Variants in SEMA5A observed in about 807,000 individuals in gnomAD.
The protein encoded by SEMA5A is semaphorin 5A.
Under a neutral mutation model 135.5 loss-of-function variants are expected in SEMA5A, and 55 were observed. That is an observed-to-expected ratio of 0.41 (90% confidence interval 0.33 to 0.51). The LOEUF (loss-of-function observed/expected upper bound fraction) is 0.51, where lower values mean the gene tolerates loss of function less well. SEMA5A is among the 20% of genes least tolerant of loss of function. The pLI, the probability that SEMA5A is intolerant of heterozygous loss-of-function variation, is 0.37. For synonymous variants in SEMA5A, 580 were observed against 546.5 expected, an observed-to-expected ratio of 1.06 and a Z score of -0.85; for missense variants, 1,290 against 1,419.9, an observed-to-expected ratio of 0.91 and a Z score of 1.47.
chr5:9,330,195 C>T (rs1432417888), intron 4 of SEMA5A, among the ~76,000 whole-genome samples: 1 of 151,636 alleles, frequency 6.6e-6, no homozygotes, highest in Non-Finnish European at 1.5e-5. Flanking sequence ...TTGAGACCAT[C>T]CTGGCTAACA....
At chr5:9,132,822 T>C (rs1055666011) in intron 13 of SEMA5A, among the ~76,000 whole-genome samples, 3 of 152,256 alleles carry the variant, frequency 2.0e-5, no homozygotes, top group Admixed American at 6.5e-5. Context: ...TCTTTCATTA[T>C]GCAGCTTGCA....
At chr5:9,310,852 CAA>C (rs1491180166) in intron 5 of SEMA5A, among the ~76,000 whole-genome samples, 5 of 148,402 alleles carry the variant, frequency 3.4e-5, no homozygotes, top group Non-Finnish European at 7.4e-5. Context: ...TATATACACA[CAA>C]TATATATATT....
At chr5:9,297,853 G>A (rs1215000113) in intron 5 of SEMA5A, among the ~76,000 whole-genome samples, 2 of 151,946 alleles carry the variant, frequency 1.3e-5, no homozygotes, top group Non-Finnish European at 2.9e-5. Flanking sequence ...TGAATCACTG[G>A]GATTACAGGT....
At chr5:9,166,956 G>A (rs1472419415) in intron 11 of SEMA5A, among the ~76,000 whole-genome samples, 1 of 152,152 alleles carries the variant, frequency 6.6e-6, no homozygotes, top group Non-Finnish European at 1.5e-5. Flanking sequence ...CAGTCACCAG[G>A]CAGGCATCCA....
chr5:9,052,652 A>G (rs1334806688), intron 19 of SEMA5A, among the ~76,000 whole-genome samples: 1 of 152,146 alleles, frequency 6.6e-6, no homozygotes, highest in Non-Finnish European at 1.5e-5. Context: ...CTCTGAAGAG[A>G]TAAGGTCAAT....
At chr5:9,520,453 C>T (rs768792295) in intron 1 of SEMA5A, among the ~76,000 whole-genome samples, 4 of 151,632 alleles carry the variant, frequency 2.6e-5, no homozygotes, top group Admixed American at 6.6e-5. Flanking sequence ...GGCACTGGGG[C>T]GGAGTCAGAG....
In SEMA5A at chr5:9,503,330, C is replaced by G. The variant is rs577424323; in HGVS notation, c.-175+42254G>C. Among the ~76,000 whole-genome samples the G allele has an allele frequency of 1.1e-4, 16 of 152,254 alleles. No individual in the cohort carries two copies. In the East Asian group the frequency reaches 2.9e-3, roughly 28 times the overall value. ...CAGGGAAGAGGAAGCTAAAAGAGCC[C>G]CGAGGGCTCCAGGCACAGGTAACAT... On this transcript the variant is annotated intron_variant, in intron 1 of 22. Coordinates refer to ENST00000382496, the MANE Select transcript of SEMA5A (RefSeq NM_003966.3).
chr5:9,214,889 G>A (rs1403123606), intron 8 of SEMA5A, among the ~76,000 whole-genome samples: 1 of 152,186 alleles, frequency 6.6e-6, no homozygotes, highest in Non-Finnish European at 1.5e-5. Context: ...CAATGCTCAA[G>A]AGTTTTAGCA....
intron 2 of SEMA5A, among the ~76,000 whole-genome samples, chr5:9,421,410 G>A (rs752882080): frequency 2.0e-5 from 3 of 152,140 alleles, no homozygotes; most frequent in Non-Finnish European, 4.4e-5. Context: ...AGAGAGGAAA[G>A]GAAGCAGTAA....
chr5:9,228,812 G>T (rs1392172220), intron 6 of SEMA5A, among the ~76,000 whole-genome samples: 1 of 152,250 alleles, frequency 6.6e-6, no homozygotes, highest in Non-Finnish European at 1.5e-5. Flanking sequence ...ATCACATCAT[G>T]CTGGAAATCA....
At chr5:9,364,420 T>G (rs909478731) in intron 3 of SEMA5A, among the ~76,000 whole-genome samples, 20 of 152,202 alleles carry the variant, frequency 1.3e-4, no homozygotes, top group Non-Finnish European at 2.6e-4. Flanking sequence ...ATTCTTTTCA[T>G]CTAATATTTT....
chr5:9,222,704 G>A (rs947518810), intron 8 of SEMA5A, among the ~76,000 whole-genome samples: 2 of 152,210 alleles, frequency 1.3e-5, no homozygotes, highest in African/African-American at 4.8e-5. Context: ...TGCCTGAGAA[G>A]ACTGTGATAA....
intron 12 of SEMA5A, among the ~76,000 whole-genome samples, chr5:9,145,992 C>T (rs549941318): frequency 6.6e-6 from 1 of 152,078 alleles, no homozygotes; most frequent in Non-Finnish European, 1.5e-5. Context: ...TGTTTCTCAA[C>T]TGAAGTACAA....
intron 15 of SEMA5A, among the ~76,000 whole-genome samples, chr5:9,108,642 T>C (rs1158617653): frequency 4.6e-5 from 7 of 152,158 alleles, no homozygotes; most frequent in Admixed American, 1.3e-4. Flanking sequence ...CTTGTGAACA[T>C]AAACATTGAA....
intron 5 of SEMA5A, among the ~76,000 whole-genome samples, chr5:9,250,579 C>T (rs1393354759): frequency 6.6e-6 from 1 of 152,144 alleles, no homozygotes; most frequent in Non-Finnish European, 1.5e-5. Context: ...ATTGGTAATA[C>T]ATTCTGGATT....
At chr5:9,187,749 C>T (rs1561000970) in intron 11 of SEMA5A, among the ~76,000 whole-genome samples, 1 of 152,180 alleles carries the variant, frequency 6.6e-6, no homozygotes, top group Non-Finnish European at 1.5e-5. Context: ...AACAATAAAG[C>T]GAATCTCTGC....
intron 5 of SEMA5A, among the ~76,000 whole-genome samples, chr5:9,281,235 G>T (rs529015291): frequency 6.6e-6 from 1 of 152,238 alleles, no homozygotes; most frequent in Middle Eastern, 3.4e-3. Flanking sequence ...CTCTAGCACA[G>T]AATTTTTCTC....
rs138714755 is a variant in SEMA5A, at chr5:9,143,320, A to G, written c.1482-6699T>C. Among the ~76,000 whole-genome samples, 542 of 152,280 alleles carry G rather than the reference A, an allele frequency of 3.6e-3. 3 individuals are homozygous for G. The highest frequency in any genetic ancestry group is 0.012 in the African/African-American group (505 of 41,572). On this transcript the variant is annotated intron_variant, in intron 12 of 22. Coordinates refer to ENST00000382496, the MANE Select transcript of SEMA5A (RefSeq NM_003966.3). The stretch of plus-strand genomic sequence containing the variant: ...GCAATAATTCACATTACATGCTATG[A>G]TTTGTAGGTGAAATTAATGTACTTG...
intron 16 of SEMA5A, among the ~76,000 whole-genome samples, chr5:9,107,399 T>G (rs1217075715): frequency 6.6e-6 from 1 of 152,152 alleles, no homozygotes; most frequent in African/African-American, 2.4e-5. Context: ...TTTTATCCTC[T>G]CTGCATTGGC....
Sources: gnomAD v4.1 joint callset for allele counts (sites outside exome capture counted in the v4.1 genomes callset) on GRCh38, gnomAD v4.1.1 for gene constraint, MANE v1.5 for transcripts, NCBI Gene and HGNC (gene_info 2026-07-23, HGNC 2026-07-21) for gene names.